The following PIK3CB variants were observed in gnomAD, a reference collection of about 807,000 sequenced individuals.
PIK3CB encodes the protein phosphatidylinositol 4,5-bisphosphate 3-kinase catalytic subunit beta isoform.
A neutral mutation model predicts 136.8 loss-of-function variants in PIK3CB; 39 were observed. The observed-to-expected ratio is 0.29, with a 90% CI of 0.22 to 0.37. The LOEUF is 0.37. PIK3CB is among the 10% of genes least tolerant of loss of function. PIK3CB has a pLI of 1.00. For missense variants in PIK3CB, 868 were observed against 1,275.4 expected (o/e 0.68, Z 4.87); for synonymous variants, 428 against 436.6 (o/e 0.98, Z 0.25).
chr3:138,762,282 T>C (rs557487402), intron 2 of PIK3CB, among the ~76,000 whole-genome samples: 4 of 152,196 alleles, frequency 2.6e-5, no homozygotes, highest in African/African-American at 9.6e-5. Context: ...ACAAAACCTA[T>C]CTTTGAAATA....
At chr3:138,690,723 CAAAA>C (rs533393475) in intron 15 of PIK3CB, among the ~76,000 whole-genome samples, 3 of 84,646 alleles carry the variant, frequency 3.5e-5, no homozygotes, top group Admixed American at 1.3e-4. Flanking sequence ...AAAACACACA[CAAAA>C]AAAAAAAAAA....
At chr3:138,770,360 T>A (rs1478091614) in intron 2 of PIK3CB, 1 of 152,198 alleles carries the variant, frequency 6.6e-6, no homozygotes, top group Non-Finnish European at 1.5e-5. Flanking sequence ...GAAAACAACA[T>A]AAATTTGTTC....
At chr3:138,784,925 C>T (rs2045960094) in intron 2 of PIK3CB, among the ~76,000 whole-genome samples, 1 of 151,892 alleles carries the variant, frequency 6.6e-6, no homozygotes, top group Admixed American at 6.6e-5. Context: ...GCCCGGCCGC[C>T]ACCCCGTCTG....
At chr3:138,693,934 A>G (rs1291450593) in intron 14 of PIK3CB, among the ~76,000 whole-genome samples, 7 of 44,694 alleles carry the variant, frequency 1.6e-4, no homozygotes, top group Non-Finnish European at 2.8e-4. Flanking sequence ...GTATTTGCTT[A>G]AAATATATAT....
intron 1 of PIK3CB, among the ~76,000 whole-genome samples, chr3:138,819,982 A>G (rs1933489595): frequency 6.6e-6 from 1 of 152,196 alleles, no homozygotes; most frequent in Admixed American, 6.5e-5. Flanking sequence ...TCGATCAATC[A>G]ATCAATCAAT....
At chr3:138,830,604 C>G (rs1933984599) in intron 1 of PIK3CB, among the ~76,000 whole-genome samples, 1 of 151,502 alleles carries the variant, frequency 6.6e-6, no homozygotes, top group African/African-American at 2.4e-5. Context: ...CAAGAGAATA[C>G]ACAAATAATA....
chr3:138,830,221 A>T (rs1576438320), intron 1 of PIK3CB, among the ~76,000 whole-genome samples: 1 of 151,422 alleles, frequency 6.6e-6, no homozygotes, highest in Admixed American at 6.6e-5. Context: ...CACCACAACC[A>T]CCCCCTGCCC....
At position 138,702,129 on chromosome 3, in the gene PIK3CB, C is replaced by T. The variant is rs1331646999; in HGVS notation, c.1581+2314G>A. On this transcript the variant is annotated intron_variant, in intron 12 of 23. Coordinates refer to ENST00000674063, the MANE Select transcript of PIK3CB (RefSeq NM_006219.3). ...ATTTTTTTTTTTTTTTTTAAAGATACAGGGTCTTACTCTGTCATAACAGCC... is the reference window on the plus strand; with the variant it reads ...ATTTTTTTTTTTTTTTTTAAAGATATAGGGTCTTACTCTGTCATAACAGCC... Among the ~76,000 whole-genome samples, 4 of 146,704 alleles carry T rather than the reference C, an allele frequency of 2.7e-5. No homozygotes were observed. In the East Asian group the frequency reaches 8.0e-4, roughly 29 times the overall value.
rs570992264 is a variant in PIK3CB, at chr3:138,726,411, T to TA, written c.1050+6949dup. Among the ~76,000 whole-genome samples the TA allele has an allele frequency of 4.6e-3, 695 of 152,260 alleles. 3 individuals are homozygous for TA. Among genetic ancestry groups the TA allele is most frequent in the Non-Finnish European group, 8.1e-3 (550 of 68,026 alleles). On this transcript the variant is annotated intron_variant, in intron 8 of 23. Coordinates refer to ENST00000674063, the MANE Select transcript of PIK3CB (RefSeq NM_006219.3). ...TAGGGGGGTGAGGGAAGGGGAGACT[T>TA]ACTCCATTCTCTTGTATCTACAACT...
At chr3:138,777,881 C>T (rs1385094930) in intron 2 of PIK3CB, 3 of 248,552 alleles carry the variant, frequency 1.2e-5, no homozygotes, top group Non-Finnish European at 2.4e-5. Context: ...ACCTGGTCAC[C>T]AAGGCTGCTT....
intron 2 of PIK3CB, among the ~76,000 whole-genome samples, chr3:138,775,609 A>C (rs2045848978): frequency 6.6e-6 from 1 of 152,140 alleles, no homozygotes; most frequent in African/African-American, 2.4e-5. Context: ...ATGTCATCTA[A>C]AAAGTTGAGG....
intron 2 of PIK3CB, among the ~76,000 whole-genome samples, chr3:138,768,519 T>C (rs1348080695): frequency 6.6e-6 from 1 of 152,194 alleles, no homozygotes; most frequent in African/African-American, 2.4e-5. Flanking sequence ...CTCTAGTCCA[T>C]GGAACTGGCA....
intron 2 of PIK3CB, chr3:138,778,794 T>C: frequency 4.0e-6 from 1 of 247,306 alleles, no homozygotes; most frequent in South Asian, 5.7e-5. Flanking sequence ...GTAGACCTTA[T>C]GGTGCACATG....
chr3:138,724,321 T>C (rs2044792413), intron 8 of PIK3CB, among the ~76,000 whole-genome samples: 1 of 152,148 alleles, frequency 6.6e-6, no homozygotes, highest in Non-Finnish European at 1.5e-5. Context: ...TATATATATG[T>C]TCTTCAAGGT....
At chr3:138,705,020 C>G (rs2044334110) in intron 11 of PIK3CB, among the ~76,000 whole-genome samples, 1 of 151,272 alleles carries the variant, frequency 6.6e-6, no homozygotes, top group Non-Finnish European at 1.5e-5. Context: ...CTCCTGGGCT[C>G]AGGCAATTAT....
chr3:138,669,855 C>G (rs1262635549), intron 19 of PIK3CB, among the ~76,000 whole-genome samples: 3 of 151,956 alleles, frequency 2.0e-5, no homozygotes, highest in Non-Finnish European at 4.4e-5. Flanking sequence ...CCACTTTAAC[C>G]TAAACAGCTG....
At chr3:138,667,537 T>C (rs994383536) in intron 19 of PIK3CB, among the ~76,000 whole-genome samples, 1 of 151,866 alleles carries the variant, frequency 6.6e-6, no homozygotes, top group African/African-American at 2.4e-5. Flanking sequence ...AATTATTTTA[T>C]GCTTTTTTAT....
intron 2 of PIK3CB, among the ~76,000 whole-genome samples, chr3:138,774,972 TTATCATTTG>T (rs2045841092): frequency 6.6e-6 from 1 of 152,240 alleles, no homozygotes; most frequent in African/African-American, 2.4e-5. Flanking sequence ...TGGCAAGTAC[TTATCATTTG>T]TTTGTCTGTT....
chr3:138,760,610 T>A lies in PIK3CB; in HGVS notation c.-16-1251A>T, dbSNP rs191548351. Among the ~76,000 whole-genome samples the A allele has an allele frequency of 1.5e-3, 235 of 152,236 alleles. No homozygotes were observed. The Middle Eastern group carries it at 0.02, about 13-fold the overall frequency. ...TTATGCCATTAATGAAAGTGTCATATCAAAAGAGACAGGAGGCCGGGCACA... is the reference window on the plus strand; with the variant it reads ...TTATGCCATTAATGAAAGTGTCATAACAAAAGAGACAGGAGGCCGGGCACA... On this transcript the variant is annotated intron_variant, in intron 2 of 23. Coordinates refer to ENST00000674063, the MANE Select transcript of PIK3CB (RefSeq NM_006219.3).
Sources: allele counts gnomAD v4.1 joint callset (sites outside exome capture counted in the v4.1 genomes callset), GRCh38; gene constraint gnomAD v4.1.1; transcripts MANE v1.5; gene names NCBI Gene and HGNC (gene_info 2026-07-23, HGNC 2026-07-21).